The following JAKMIP3 variants were observed in gnomAD, a reference collection of about 807,000 sequenced individuals.
JAKMIP3 encodes the protein Janus kinase and microtubule interacting protein 3.
JAKMIP3 carries 58 observed loss-of-function variants against 118.5 expected under a neutral mutation model. That is an observed-to-expected ratio of 0.49 (90% CI 0.40 to 0.61). JAKMIP3 has a LOEUF of 0.61. Ranked by LOEUF, JAKMIP3 falls within the 20% of genes least tolerant of loss-of-function variation. JAKMIP3 has a pLI of 0.00. For synonymous variants in JAKMIP3, 486 were observed against 451.2 expected, an observed-to-expected ratio of 1.08 and a Z score of -0.98; for missense variants, 950 against 1,109.0, an observed-to-expected ratio of 0.86 and a Z score of 2.04.
intron 1 of JAKMIP3, among the ~76,000 whole-genome samples, chr10:132,083,526 T>G (rs938467455): frequency 6.6e-6 from 1 of 152,246 alleles, no homozygotes; most frequent in African/African-American, 2.4e-5. Flanking sequence ...GCAAAAGCTC[T>G]TTAGTTTAAT....
intron 1 of JAKMIP3, among the ~76,000 whole-genome samples, chr10:132,096,044 C>T (rs1266274532): frequency 6.6e-6 from 1 of 152,130 alleles, no homozygotes; most frequent in Non-Finnish European, 1.5e-5. Context: ...TTGGGGGGGT[C>T]TTCCTCTGGA....
rs752511214 is a variant in JAKMIP3 at position 132,117,092 on chromosome 10, C to T, written c.151C>T (p.Arg51Cys). 12 of 1,607,100 alleles carry T rather than the reference C, an allele frequency of 7.5e-6. No individual in the cohort carries two copies. Among genetic ancestry groups the T allele is most frequent in the African/African-American group, 1.3e-5 (1 of 74,822 alleles). ...QEKSKVSKVE[R>C]EKNQELRQVR... ...TGTCTTTCAGGTCAGCAAAGTGGAA[C>T]GCGAGAAGAACCAGGAGCTGCGGCA... The change falls in exon 3 of 24, where the codon CGC becomes TGC. Residue 51 changes from arginine to cysteine, a missense_variant. Coordinates refer to ENST00000684848, the MANE Select transcript of JAKMIP3 (RefSeq NM_001323087.2). This position sits in a 1 kb window ranked among gnomAD's most constrained non-coding sequence, Gnocchi z 8.6.
Position 132,133,362 on chromosome 10 carries a change from G to A in JAKMIP3, c.684G>A (p.Glu228=), listed in dbSNP as rs1360295971. The change falls in exon 4 of 24, where the codon GAG becomes GAA. Residue 228 remains glutamate (E), a synonymous_variant. Coordinates refer to ENST00000684848, the MANE Select transcript of JAKMIP3 (RefSeq NM_001323087.2). ...GAGCAGTCTTCGTGCTGGAGAGAGA[G>A]TTAGGGGTTCAAGCCGGGCATGCTC... ...KDRAVFVLER[E]LGVQAGHAQR... is the part of the protein sequence containing the mutation. The A allele has an allele frequency of 7.5e-6, 12 of 1,602,666 alleles. No homozygotes were observed. The highest frequency in any genetic ancestry group is 3.3e-4 in the Middle Eastern group (2 of 6,058).
Position 132,112,003 on chromosome 10 carries a change from G to A in JAKMIP3, c.136-5074G>A, listed in dbSNP as rs1248106663. Among the ~76,000 whole-genome samples the A allele has an allele frequency of 6.6e-6, 1 of 152,018 alleles. No individual in the cohort carries two copies. Among genetic ancestry groups the A allele is most frequent in the South Asian group, 2.1e-4 (1 of 4,808 alleles). On this transcript the variant is annotated intron_variant, in intron 2 of 23. Transcript: ENST00000684848. This position sits in a 1 kb window ranked among gnomAD's most constrained non-coding sequence, Gnocchi z 4.3. ...TGTGTGGAACTGCTCTGGGACACGGGGGAGAGGAGCCAGGAGGTGTTGGCA... is the reference window on the plus strand; with the variant it reads ...TGTGTGGAACTGCTCTGGGACACGGAGGAGAGGAGCCAGGAGGTGTTGGCA...
At chr10:132,159,391 G>A (rs1268331853) in intron 19 of JAKMIP3, among the ~76,000 whole-genome samples, 6 of 95,376 alleles carry the variant, frequency 6.3e-5, no homozygotes, top group Non-Finnish European at 1.0e-4. Context: ...GTCTATTCCT[G>A]TGTCTTACTG....
intron 1 of JAKMIP3, among the ~76,000 whole-genome samples, chr10:132,067,517 C>T (rs368177265): frequency 6.6e-6 from 1 of 152,370 alleles, no homozygotes; most frequent in East Asian, 1.9e-4. Flanking sequence ...CCTCTGCCCC[C>T]GTATTTTGGA....
chr10:132,171,139 C>T (rs552691731), intron 23 of JAKMIP3, among the ~76,000 whole-genome samples: 7 of 152,348 alleles, frequency 4.6e-5, no homozygotes, highest in African/African-American at 7.2e-5. Flanking sequence ...GGGGAGGTTA[C>T]GGAGCGGGGA....
At chr10:132,177,746 A>C (rs1177833711) in intron 23 of JAKMIP3, among the ~76,000 whole-genome samples, 1 of 115,736 alleles carries the variant, frequency 8.6e-6, no homozygotes, top group Non-Finnish European at 1.7e-5. Flanking sequence ...TGCACACTGC[A>C]TTTGGTGGTG....
chr10:132,117,509 T>C lies in JAKMIP3; in HGVS notation c.568T>C (p.Tyr190His), dbSNP rs976673045. 6.2e-7 allele frequency: 1 copy of C among 1,607,866 alleles called. No homozygotes were observed. The highest frequency in any genetic ancestry group is 1.7e-5 in the Admixed American group (1 of 58,514). Residue 190 changes from tyrosine to histidine, a missense_variant, in exon 3 of 24, where the codon TAC (tyrosine) becomes CAC (histidine). By Grantham distance (83) the Tyr-to-His change is moderately conservative (BLOSUM62 2). Coordinates refer to ENST00000684848, the MANE Select transcript of JAKMIP3 (RefSeq NM_001323087.2). The surrounding 1 kb of genome is among the most constrained non-coding windows in gnomAD (Gnocchi z 8.6). Reference protein sequence around the residue: ...KIKAAEIRSVYHLHQEEITRI... With the variant: ...KIKAAEIRSVHHLHQEEITRI... ...CAAGGCCGCAGAGATCCGCAGCGTG[T>C]ACCACCTGCACCAGGAGGAGATCAC...
chr10:132,145,413 C>T, intron 12 of JAKMIP3, 105 bp from the exon 13 acceptor site: 1 of 1,159,598 alleles, frequency 8.6e-7, no homozygotes, highest in Non-Finnish European at 1.2e-6. Context: ...GGGGCTTTGC[C>T]ACGCTGGCCA....
At chr10:132,180,807 GTGTGT>G (rs565890298) in intron 23 of JAKMIP3, among the ~76,000 whole-genome samples, 10 of 151,232 alleles carry the variant, frequency 6.6e-5, no homozygotes, top group African/African-American at 1.5e-4. Context: ...GCTGTGAGTG[GTGTGT>G]TGTGTATGCA....
In JAKMIP3 at chr10:132,163,244, C is replaced by T; in HGVS notation, c.2256C>T (p.Ala752=). The T allele has an allele frequency of 2.5e-6, 4 of 1,575,534 alleles. No individual in the cohort carries two copies. The South Asian group carries it at 3.5e-5, about 14-fold the overall frequency. ...ILELEAMLYD[A]LQQEAGAKVA... ...AGCTGGAAGCCATGCTGTATGATGCCCTGCAGCAGGAGGCCGGGGCTAAGG... is the reference window on the plus strand; with the variant it reads ...AGCTGGAAGCCATGCTGTATGATGCTCTGCAGCAGGAGGCCGGGGCTAAGG... Residue 752 remains alanine (A), a synonymous_variant, in exon 20 of 24, where the codon GCC becomes GCT. Transcript: ENST00000684848.
Position 132,167,058 on chromosome 10 carries a change from G to GTTGGCAGGGCCC in JAKMIP3, c.*22+3_*22+4insTTGGCAGGGCCC. Reference sequence around the variant, plus strand: ...GTCCGTCTTGGCACCCTGACGTGGTGAGTATTTCGTTGGCAGGGCCCAGCA... The same window carrying GTTGGCAGGGCCC: ...GTCCGTCTTGGCACCCTGACGTGGTGTTGGCAGGGCCCAGTATTTCGTTGGCAGGGCCCAGCA... On this transcript the variant is annotated splice_donor_region_variant and intron_variant, in intron 22 of 23. Transcript: ENST00000684848. 1 of 1,545,034 alleles carries GTTGGCAGGGCCC rather than the reference G, an allele frequency of 6.5e-7. No homozygotes were observed. The highest frequency in any genetic ancestry group is 8.8e-7 in the Non-Finnish European group (1 of 1,141,136).
intron 11 of JAKMIP3, among the ~76,000 whole-genome samples, chr10:132,143,493 A>G (rs2053987699): frequency 6.6e-6 from 1 of 152,200 alleles, no homozygotes; most frequent in South Asian, 2.1e-4. Flanking sequence ...GCCACATGGA[A>G]GCAAAGAACT....
chr10:132,132,011 AGGCCGCAG>A (rs2050739211), intron 3 of JAKMIP3, among the ~76,000 whole-genome samples: 1 of 152,230 alleles, frequency 6.6e-6, no homozygotes, highest in Non-Finnish European at 1.5e-5. Flanking sequence ...TGTAAATGCC[AGGCCGCAG>A]GCACAGCTGC....
At chr10:132,119,967 C>T (rs2048281134) in intron 3 of JAKMIP3, among the ~76,000 whole-genome samples, 1 of 152,194 alleles carries the variant, frequency 6.6e-6, no homozygotes, top group African/African-American at 2.4e-5. Context: ...GGAATCATGT[C>T]CACCTGTGCC....
intron 1 of JAKMIP3, among the ~76,000 whole-genome samples, chr10:132,042,952 G>T (rs2037806503): frequency 6.6e-6 from 1 of 150,758 alleles, no homozygotes; most frequent in Non-Finnish European, 1.5e-5. Context: ...AAATTAGCGA[G>T]TTATGGTGGC....
chr10:132,088,530 C>T (rs529679650), intron 1 of JAKMIP3, among the ~76,000 whole-genome samples: 2 of 152,298 alleles, frequency 1.3e-5, no homozygotes, highest in Non-Finnish European at 2.9e-5. Context: ...TGTTCATATC[C>T]TTCACCCACT....
intron 1 of JAKMIP3, among the ~76,000 whole-genome samples, chr10:132,057,997 G>A (rs1013842877): frequency 3.3e-5 from 5 of 152,192 alleles, no homozygotes; most frequent in Non-Finnish European, 7.3e-5. Context: ...GGCTGGACGG[G>A]GCCAGATCCT....
Sources: allele counts gnomAD v4.1 joint callset (sites outside exome capture counted in the v4.1 genomes callset), GRCh38; gene constraint gnomAD v4.1.1; non-coding constraint Gnocchi (gnomAD v3.1); transcripts MANE v1.5; gene names NCBI Gene and HGNC (gene_info 2026-07-23, HGNC 2026-07-21).